Variants in LEMD1 observed in about 807,000 individuals in gnomAD.
LEMD1 encodes the protein LEM domain-containing protein 1.
Under a neutral mutation model 17.4 loss-of-function variants are expected in LEMD1, and 18 were observed. The observed-to-expected ratio is 1.04, with a 90% CI of 0.72 to 1.54. The LOEUF is 1.54. LEMD1 is among the 40% of genes most tolerant of loss of function. LEMD1 has a pLI of 0.00. For missense variants in LEMD1, 195 were observed against 210.4 expected (o/e 0.93, Z 0.45); for synonymous variants, 88 against 77.8 (o/e 1.13, Z -0.69).
At chr1:205,393,087 GA>G (rs1044892822) in intron 4 of LEMD1, among the ~76,000 whole-genome samples, 1 of 151,424 alleles carries the variant, frequency 6.6e-6, no homozygotes, top group African/African-American at 2.4e-5. Context: ...GTATAGACTG[GA>G]AAAAAAACTT....
chr1:205,447,280 C>G (rs1250164119), intron 1 of LEMD1, among the ~76,000 whole-genome samples: 3 of 152,178 alleles, frequency 2.0e-5, no homozygotes, highest in African/African-American at 7.2e-5. Context: ...ACAGGACTGT[C>G]TTGAGGATGA....
At chr1:205,386,954 ATC>A (rs1558706084) in intron 4 of LEMD1, 1 of 152,248 alleles carries the variant, frequency 6.6e-6, no homozygotes, top group Non-Finnish European at 1.5e-5. Context: ...AGACAACAGT[ATC>A]ATGAACCTCT....
intron 4 of LEMD1, among the ~76,000 whole-genome samples, chr1:205,412,945 C>T (rs977996609): frequency 2.0e-5 from 3 of 152,180 alleles, no homozygotes; most frequent in African/African-American, 7.2e-5. Flanking sequence ...TTCTGCAGAA[C>T]TGAGGTTTAC....
chr1:205,383,093 A>G (rs1663801735), intron 5 of LEMD1, among the ~76,000 whole-genome samples: 1 of 152,128 alleles, frequency 6.6e-6, no homozygotes, highest in Non-Finnish European at 1.5e-5. Flanking sequence ...TTTATATTAC[A>G]TACATATTTT....
chr1:205,385,794 C>T (rs1663975353), intron 4 of LEMD1: 1 of 152,232 alleles, frequency 6.6e-6, no homozygotes, highest in South Asian at 2.1e-4. Context: ...AAGCCCAGGA[C>T]CCTTGAACAT....
chr1:205,400,900 T>G (rs1467174015), intron 4 of LEMD1, among the ~76,000 whole-genome samples: 1 of 133,832 alleles, frequency 7.5e-6, no homozygotes, highest in Non-Finnish European at 1.5e-5. Context: ...CCTGTGTCCA[T>G]GTGTTCTCAT....
At chr1:205,387,611 C>A (rs1664096895) in intron 4 of LEMD1, among the ~76,000 whole-genome samples, 1 of 152,274 alleles carries the variant, frequency 6.6e-6, no homozygotes. Flanking sequence ...CACATAATAT[C>A]TTTGCTCTCT....
chr1:205,393,435 G>C (rs1664435101), intron 4 of LEMD1, among the ~76,000 whole-genome samples: 1 of 151,750 alleles, frequency 6.6e-6, no homozygotes, highest in African/African-American at 2.4e-5. Flanking sequence ...CAGCACTTTG[G>C]GAGGCCGAGG....
At position 205,384,403 on chromosome 1, in the gene LEMD1, C is replaced by T. The variant is rs762011471; in HGVS notation, c.271-39G>A. ...AGAAAATGTCAAGAGGAATTTGTTT[C>T]CAATGTCTTATACAAATAACCTTGG... is the stretch of plus-strand genomic sequence containing the variant. On this transcript the variant is annotated intron_variant, in intron 4 of 5. Transcript: ENST00000367153. The T allele has an allele frequency of 4.0e-5, 53 of 1,326,020 alleles. 1 individual carries two copies. The South Asian group carries it at 8.0e-4, about 20-fold the overall frequency. 82.1% of individuals were successfully genotyped at this position (1,326,020 alleles called of 1,614,324 possible).
intron 1 of LEMD1, chr1:205,437,826 A>G: frequency 6.6e-6 from 1 of 152,236 alleles, no homozygotes; most frequent in South Asian, 2.1e-4. Context: ...TTAGTTTCCA[A>G]GCAGGGCTAG....
At chr1:205,407,462 C>T (rs997752387) in intron 4 of LEMD1, among the ~76,000 whole-genome samples, 4 of 152,070 alleles carry the variant, frequency 2.6e-5, no homozygotes, top group Non-Finnish European at 5.9e-5. Flanking sequence ...GTAACAGAAC[C>T]TCCATAAAAC....
At chr1:205,408,650 A>G (rs1436824412) in intron 4 of LEMD1, among the ~76,000 whole-genome samples, 1 of 151,260 alleles carries the variant, frequency 6.6e-6, no homozygotes. Flanking sequence ...GGTGCACACC[A>G]CCATGCCCAG....
At chr1:205,416,413 T>A (rs1322419324) in intron 3 of LEMD1, 117 bp from the exon 4 acceptor site, 2 of 698,538 alleles carry the variant, frequency 2.9e-6, no homozygotes, top group African/African-American at 1.8e-5. Flanking sequence ...TGCAAGGGGA[T>A]GAAAATTCAC....
chr1:205,414,564 A>C (rs1665604982), intron 4 of LEMD1, among the ~76,000 whole-genome samples: 1 of 152,028 alleles, frequency 6.6e-6, no homozygotes, highest in Non-Finnish European at 1.5e-5. Flanking sequence ...AGCTGGGATC[A>C]CAGGTGTGCA....
At chr1:205,411,825 A>G (rs939322354) in intron 4 of LEMD1, among the ~76,000 whole-genome samples, 1 of 152,192 alleles carries the variant, frequency 6.6e-6, no homozygotes, top group Non-Finnish European at 1.5e-5. Flanking sequence ...AGAACAGAGT[A>G]AACTGAGATT....
intron 4 of LEMD1, among the ~76,000 whole-genome samples, chr1:205,389,295 C>T (rs1664220079): frequency 6.6e-6 from 1 of 151,894 alleles, no homozygotes. Context: ...GTGATCCACC[C>T]ACCTCAGCCT....
At chr1:205,407,368 C>A (rs6675195) in intron 4 of LEMD1, among the ~76,000 whole-genome samples, 45,476 of 149,670 alleles carry the variant, frequency 0.3, 7,306 homozygotes, top group African/African-American at 0.38. Context: ...ACTTGGAGCC[C>A]CACCCCCTGA....
chr1:205,387,256 T>A (rs1036186081), intron 4 of LEMD1: 1 of 152,174 alleles, frequency 6.6e-6, no homozygotes, highest in Non-Finnish European at 1.5e-5. Flanking sequence ...TCTACCTGAC[T>A]GTGCAGCTAT....
At chr1:205,433,026 T>C (rs1666149375) in intron 1 of LEMD1, among the ~76,000 whole-genome samples, 1 of 151,114 alleles carries the variant, frequency 6.6e-6, no homozygotes, top group Non-Finnish European at 1.5e-5. Context: ...ATAAAAAATA[T>C]AAAAATTCCA....
Sources: gnomAD v4.1 joint callset for allele counts (sites outside exome capture counted in the v4.1 genomes callset) on GRCh38, gnomAD v4.1.1 for gene constraint, MANE v1.5 for transcripts, NCBI Gene and HGNC (gene_info 2026-07-23, HGNC 2026-07-21) for gene names.